CHEK2: variants seen among roughly 807,000 people sequenced by gnomAD.
CHEK2 encodes the protein serine/threonine-protein kinase Chk2.
CHEK2 carries 71 observed loss-of-function variants against 69.1 expected under a neutral mutation model. That is an observed-to-expected ratio of 1.03 (90% CI 0.85 to 1.25). The LOEUF is 1.25. CHEK2 is among the 50% of genes most tolerant of loss of function. The pLI, the probability that CHEK2 is intolerant of heterozygous loss-of-function variation, is 0.00. For missense variants in CHEK2, 664 were observed against 649.6 expected (o/e 1.02, Z -0.24); for synonymous variants, 189 against 226.9 (o/e 0.83, Z 1.50).
At chr22:28,724,357 C>T (rs900493671) in intron 4 of CHEK2, among the ~76,000 whole-genome samples, 1 of 151,632 alleles carries the variant, frequency 6.6e-6, no homozygotes, top group East Asian at 1.9e-4. Flanking sequence ...TGCGGTGAGC[C>T]GAGATTGCAC....
chr22:28,733,921 C>T (rs76567120), intron 2 of CHEK2, among the ~76,000 whole-genome samples: 1 of 143,544 alleles, frequency 7.0e-6, no homozygotes, highest in Non-Finnish European at 1.5e-5. Context: ...GACTCCGTTG[C>T]CAAAAAAAAA....
At chr22:28,712,582 T>C (rs2053443450) in intron 5 of CHEK2, among the ~76,000 whole-genome samples, 1 of 152,042 alleles carries the variant, frequency 6.6e-6, no homozygotes, top group South Asian at 2.1e-4. Context: ...CTCACAGAGA[T>C]TTGCAGTTAA....
intron 9 of CHEK2, among the ~76,000 whole-genome samples, chr22:28,699,431 T>A (rs990065604): frequency 1.4e-5 from 2 of 141,076 alleles, no homozygotes; most frequent in Non-Finnish European, 3.0e-5. Flanking sequence ...AGTGGCATGA[T>A]CTCAGCACAC....
chr22:28,713,437 G>A (rs1235904727), intron 5 of CHEK2, among the ~76,000 whole-genome samples: 14 of 142,446 alleles, frequency 9.8e-5, no homozygotes, highest in South Asian at 6.9e-4. Context: ...TCGGCTCACC[G>A]CAAGCTCCGC....
intron 4 of CHEK2, among the ~76,000 whole-genome samples, chr22:28,721,866 GACTA>G (rs1338016760): frequency 6.6e-6 from 1 of 151,812 alleles, no homozygotes; most frequent in Non-Finnish European, 1.5e-5. Flanking sequence ...AAGTAGCTGG[GACTA>G]CAGGAACACA....
At chr22:28,691,750 G>A (rs1258306844) in intron 13 of CHEK2, among the ~76,000 whole-genome samples, 2 of 152,152 alleles carry the variant, frequency 1.3e-5, no homozygotes, top group Non-Finnish European at 2.9e-5. Flanking sequence ...GTAAACAGAA[G>A]AAATCCTCTA....
chr22:28,734,614 C>CTGGGACTGTGAGGAGGAGCCT lies in CHEK2; in HGVS notation c.87_107dup (p.Ser31_Gly37dup), dbSNP rs762863407. 1.2e-6 allele frequency: 2 copies of CTGGGACTGTGAGGAGGAGCCT among 1,613,816 alleles called. No homozygotes were observed. The highest frequency in any genetic ancestry group is 3.3e-5 in the Admixed American group (2 of 59,966). ...TGCTGGTAGAGGAGCTGGATATGCC[C>CTGGGACTGTGAGGAGGAGCCT]TGGGACTGTGAGGAGGAGCCTTGGG... On this transcript the variant is annotated inframe_insertion, in exon 2 of 15. Coordinates refer to ENST00000404276, the MANE Select transcript of CHEK2 (RefSeq NM_007194.4).
chr22:28,715,870 T>A (rs2053569607), intron 5 of CHEK2, among the ~76,000 whole-genome samples: 1 of 151,884 alleles, frequency 6.6e-6, no homozygotes, highest in Non-Finnish European at 1.5e-5. Context: ...CTTCTTTTTT[T>A]TTTTTTTCCT....
chr22:28,718,917 CACACAG>C (rs1340618824), intron 5 of CHEK2, among the ~76,000 whole-genome samples: 3 of 146,006 alleles, frequency 2.1e-5, no homozygotes, highest in East Asian at 2.0e-4. Context: ...CACACACACA[CACACAG>C]GAAATAAAAA....
intron 14 of CHEK2, among the ~76,000 whole-genome samples, chr22:28,688,423 C>G (rs1177247992): frequency 1.3e-5 from 2 of 152,246 alleles, no homozygotes; most frequent in African/African-American, 4.8e-5. Flanking sequence ...AATCCCAGCA[C>G]TTTGGAAAGC....
intron 14 of CHEK2, 38 bp downstream of exon 14, chr22:28,689,097 C>T (rs1245491899): frequency 3.6e-6 from 5 of 1,398,634 alleles, no homozygotes; most frequent in Non-Finnish European, 4.0e-6. Context: ...GCTCCTTAAG[C>T]CCAGACTACA....
chr22:28,713,870 G>A (rs764780505), intron 5 of CHEK2, among the ~76,000 whole-genome samples: 7 of 151,670 alleles, frequency 4.6e-5, no homozygotes, highest in African/African-American at 4.8e-5. Flanking sequence ...TAGTAGAGAC[G>A]GGGTTTCACC....
At position 28,689,176 on chromosome 22, in the gene CHEK2, C is replaced by T. The variant is rs17883172; in HGVS notation, c.1501G>A (p.Glu501Lys). 2.1e-4 allele frequency: 342 copies of T among 1,595,144 alleles called. 3 individuals are homozygous for T. In the South Asian group the frequency reaches 3.6e-3, roughly 17 times the overall value. ...GGTAGAGCTGTGGATTCATTTTCCT[C>T]AGACAGAAGATCTTGAAACTTTCTC... ...MKRKFQDLLSEENESTALPQV... is the reference protein window; with the variant it reads ...MKRKFQDLLSKENESTALPQV... The change falls in exon 14 of 15, where the codon GAG becomes AAG. Residue 501 changes from glutamate to lysine, a missense_variant. By Grantham distance (56) the Glu-to-Lys change is moderately conservative. Coordinates refer to ENST00000404276, the MANE Select transcript of CHEK2 (RefSeq NM_007194.4).
At chr22:28,702,129 G>GTGTGTC (rs1427103445) in intron 8 of CHEK2, among the ~76,000 whole-genome samples, 2 of 107,348 alleles carry the variant, frequency 1.9e-5, no homozygotes, top group African/African-American at 7.3e-5. Flanking sequence ...TTTTGTGTGT[G>GTGTGTC]TGTGTCTGTG....
chr22:28,691,641 A>G (rs2052367469), intron 13 of CHEK2, among the ~76,000 whole-genome samples: 1 of 152,250 alleles, frequency 6.6e-6, no homozygotes, highest in African/African-American at 2.4e-5. Context: ...GGCTGCAGTG[A>G]GCTATAATTG....
chr22:28,709,718 G>C (rs1007548141), intron 7 of CHEK2, among the ~76,000 whole-genome samples: 3 of 152,088 alleles, frequency 2.0e-5, no homozygotes, highest in Admixed American at 6.6e-5. Flanking sequence ...CCAGGTTCAA[G>C]CACTTCTCCT....
chr22:28,720,440 C>T (rs530961824), intron 4 of CHEK2, among the ~76,000 whole-genome samples: 1 of 151,774 alleles, frequency 6.6e-6, no homozygotes, highest in Admixed American at 6.6e-5. Flanking sequence ...TAACCCAGGA[C>T]AGTGCTGATG....
chr22:28,724,922 T>G (rs1385285137), intron 4 of CHEK2, 55 bp downstream of exon 4: 1 of 1,582,460 alleles, frequency 6.3e-7, no homozygotes, highest in Admixed American at 1.7e-5. Context: ...CAAATTTTCC[T>G]CCTATGAGAG....
chr22:28,734,453 G>A lies in CHEK2; in HGVS notation c.269C>T (p.Pro90Leu), dbSNP rs758792132. The change falls in exon 2 of 15, where the codon CCT (proline) becomes CTT (leucine). Residue 90 changes from proline to leucine, a missense_variant. By Grantham distance (98) the Pro-to-Leu change is moderately conservative. Coordinates refer to ENST00000404276, the MANE Select transcript of CHEK2 (RefSeq NM_007194.4). ...PEDQEPEEPT[P>L]APWARLWALQ... ...GGCCCATAATCGAGCCCAGGGGGCA[G>A]GGGTAGGCTCCTCAGGTTCTTGGTC... The A allele has an allele frequency of 4.3e-6, 7 of 1,614,138 alleles. No individual in the cohort carries two copies. The highest frequency in any genetic ancestry group is 5.9e-6 in the Non-Finnish European group (7 of 1,179,992).
Sources: gnomAD v4.1 joint callset for allele counts (sites outside exome capture counted in the v4.1 genomes callset) on GRCh38, gnomAD v4.1.1 for gene constraint, MANE v1.5 for transcripts, NCBI Gene and HGNC (gene_info 2026-07-23, HGNC 2026-07-21) for gene names.